Variants in ADAMTSL1 observed in about 807,000 individuals in gnomAD.
ADAMTSL1 encodes the protein ADAMTS like 1, also known as ADAMTS-like protein 1.
Under a neutral mutation model 201.8 loss-of-function variants are expected in ADAMTSL1, and 126 were observed. That is an observed-to-expected ratio of 0.62 (90% CI 0.54 to 0.72). The LOEUF (loss-of-function observed/expected upper bound fraction) is 0.72, where lower values mean the gene tolerates loss of function less well. ADAMTSL1 is among the 30% of genes least tolerant of loss of function. The pLI is 0.00. For synonymous variants in ADAMTSL1, 1,121 were observed against 903.4 expected (o/e 1.24, Z -4.32); for missense variants, 2,679 against 2,277.8 (o/e 1.18, Z -3.59).
At chr9:18,351,656 TG>T (rs1412991789) in intron 2 of ADAMTSL1, among the ~76,000 whole-genome samples, 1 of 152,194 alleles carries the variant, frequency 6.6e-6, no homozygotes, top group Non-Finnish European at 1.5e-5. Flanking sequence ...AGCTTAAACT[TG>T]ACCTTCTAAT....
chr9:18,325,560 G>T (rs1292840468), intron 2 of ADAMTSL1, among the ~76,000 whole-genome samples: 2 of 152,178 alleles, frequency 1.3e-5, no homozygotes, highest in Non-Finnish European at 2.9e-5. Flanking sequence ...ACATACCACA[G>T]ACTGAGTAAT....
rs11449360 is a variant in ADAMTSL1 at position 18,740,478 on chromosome 9, C to CTTTTTTTT, written c.2007-12810_2007-12803dup. Among the ~76,000 whole-genome samples the CTTTTTTTT allele has an allele frequency of 1.6e-3, 167 of 105,634 alleles. 3 individuals carry two copies. Among genetic ancestry groups the CTTTTTTTT allele is most frequent in the South Asian group, 1.9e-3 (6 of 3,232 alleles). 69.3% of individuals were successfully genotyped at this position (105,634 alleles called of 152,430 possible). ...CTTTCTTTTTTTTTTTTTCTTTTAT[C>CTTTTTTTT]TTTTTTTTTTTTTTTTTGAGAGGAG... is the stretch of plus-strand genomic sequence containing the variant. On this transcript the variant is annotated intron_variant, in intron 15 of 28. Transcript: ENST00000380548.
chr9:18,566,298 C>T (rs779970432), intron 3 of ADAMTSL1, among the ~76,000 whole-genome samples: 2 of 152,196 alleles, frequency 1.3e-5, no homozygotes, highest in Non-Finnish European at 2.9e-5. Flanking sequence ...ATTCTTTCAA[C>T]AAATATTCGA....
At chr9:18,836,264 A>G (rs1321604221) in intron 23 of ADAMTSL1, among the ~76,000 whole-genome samples, 2 of 151,938 alleles carry the variant, frequency 1.3e-5, no homozygotes, top group Admixed American at 1.3e-4. Flanking sequence ...TCTTTTGCCA[A>G]TTTTTAATGG....
chr9:18,634,058 T>C (rs550516356), intron 5 of ADAMTSL1, among the ~76,000 whole-genome samples: 1 of 152,256 alleles, frequency 6.6e-6, no homozygotes, highest in South Asian at 2.1e-4. Context: ...GACAATAGTA[T>C]AAGGCAAGTT....
At chr9:18,806,004 C>T (rs1823092910) in intron 20 of ADAMTSL1, among the ~76,000 whole-genome samples, 1 of 152,212 alleles carries the variant, frequency 6.6e-6, no homozygotes, top group Non-Finnish European at 1.5e-5. Flanking sequence ...CTTAGCCAAA[C>T]AGAGAATCTA....
chr9:18,174,947 A>G (rs750084208), intron 2 of ADAMTSL1, among the ~76,000 whole-genome samples: 2 of 152,210 alleles, frequency 1.3e-5, no homozygotes, highest in Non-Finnish European at 2.9e-5. Flanking sequence ...CTTGATGTTG[A>G]CAAGGAAGAA....
At chr9:18,168,030 A>T (rs1827713020) in intron 2 of ADAMTSL1, among the ~76,000 whole-genome samples, 8 of 152,036 alleles carry the variant, frequency 5.3e-5, no homozygotes. Flanking sequence ...ATGAACTAAC[A>T]TTTAATCGCA....
chr9:18,583,984 A>T (rs565340619), intron 4 of ADAMTSL1, among the ~76,000 whole-genome samples: 1 of 152,326 alleles, frequency 6.6e-6, no homozygotes, highest in African/African-American at 2.4e-5. Flanking sequence ...TTTGTCTCAG[A>T]TGAGACGATG....
At chr9:17,918,020 A>G (rs1004700114) in intron 1 of ADAMTSL1, among the ~76,000 whole-genome samples, 1 of 151,872 alleles carries the variant, frequency 6.6e-6, no homozygotes, top group African/African-American at 2.4e-5. Context: ...TATTACCTGT[A>G]TCATTCATGA....
rs539902262 is a variant in ADAMTSL1, at chr9:18,369,354, A to G, written c.208-135475A>G. ...ATATCATATGATTGTTGTTAATTCA[A>G]GTGGCCAAGAAAATATGATAAAGTG... On this transcript the variant is annotated intron_variant, in intron 2 of 29. Coordinates refer to the ADAMTSL1 transcript ENST00000680146. Among the ~76,000 whole-genome samples the G allele has an allele frequency of 1.6e-4, 24 of 152,344 alleles. No homozygotes were observed. In the East Asian group the frequency reaches 2.1e-3, roughly 13 times the overall value.
intron 2 of ADAMTSL1, among the ~76,000 whole-genome samples, chr9:18,240,880 C>T (rs1156878361): frequency 6.6e-6 from 1 of 152,156 alleles, no homozygotes; most frequent in African/African-American, 2.4e-5. Context: ...TTCCTTAAAC[C>T]TCATGAACCA....
chr9:18,599,996 C>CAAAA (rs57914274), intron 4 of ADAMTSL1, among the ~76,000 whole-genome samples: 4 of 86,950 alleles, frequency 4.6e-5, no homozygotes, highest in Non-Finnish European at 6.4e-5. Flanking sequence ...ACTAAAAATA[C>CAAAA]AAAAAAAAAA....
chr9:18,577,838 C>T (rs1222244507), intron 4 of ADAMTSL1, among the ~76,000 whole-genome samples: 4 of 152,070 alleles, frequency 2.6e-5, no homozygotes, highest in Non-Finnish European at 5.9e-5. Flanking sequence ...CAAAAAGAGA[C>T]CTTCTACCAT....
chr9:18,434,975 G>C (rs1320125994), intron 2 of ADAMTSL1, among the ~76,000 whole-genome samples: 1 of 152,190 alleles, frequency 6.6e-6, no homozygotes, highest in Non-Finnish European at 1.5e-5. Flanking sequence ...GATCACCACT[G>C]TATCCCTAAC....
At chr9:18,231,976 G>C (rs1830660868) in intron 2 of ADAMTSL1, among the ~76,000 whole-genome samples, 1 of 152,066 alleles carries the variant, frequency 6.6e-6, no homozygotes, top group African/African-American at 2.4e-5. Context: ...TCCTCACCTT[G>C]CTCCTAAAGC....
chr9:18,652,971 C>A (rs1828389962), intron 7 of ADAMTSL1, among the ~76,000 whole-genome samples: 2 of 152,194 alleles, frequency 1.3e-5, no homozygotes, highest in African/African-American at 2.4e-5. Context: ...AAGTTTAAAT[C>A]AACTGTAGGA....
chr9:18,897,144 G>A (rs1161289535), intron 26 of ADAMTSL1, among the ~76,000 whole-genome samples: 1 of 152,184 alleles, frequency 6.6e-6, no homozygotes, highest in Non-Finnish European at 1.5e-5. Context: ...TGTTTAAGTG[G>A]GACCCTGATC....
chr9:18,163,991 C>T (rs1283357189), intron 2 of ADAMTSL1: 1 of 151,992 alleles, frequency 6.6e-6, no homozygotes, highest in East Asian at 1.9e-4. Context: ...GGTACAGTGT[C>T]GCTTCTTCTA....
Sources: gnomAD v4.1 joint callset for allele counts (sites outside exome capture counted in the v4.1 genomes callset) on GRCh38, gnomAD v4.1.1 for gene constraint, MANE v1.5 for transcripts, NCBI Gene and HGNC (gene_info 2026-07-23, HGNC 2026-07-21) for gene names.